Variants in PKIB observed in about 807,000 individuals in gnomAD.
PKIB encodes the protein cAMP-dependent protein kinase inhibitor beta.
A neutral mutation model predicts 4.5 loss-of-function variants in PKIB; 2 were observed. The observed-to-expected ratio is 0.44, with a 90% CI of 0.18 to 1.39. The LOEUF (loss-of-function observed/expected upper bound fraction) is 1.39, where lower values mean the gene tolerates loss of function less well. Among genes scored for constraint, PKIB ranks in the 40% most tolerant of loss-of-function variants. PKIB has a pLI of 0.27. For missense variants in PKIB, 94 were observed against 92.6 expected (o/e 1.02, Z -0.06); for synonymous variants, 38 against 36.0 (o/e 1.06, Z -0.20).
intron 3 of PKIB, among the ~76,000 whole-genome samples, chr6:122,699,457 A>G (rs4617028): frequency 0.99 from 150,352 of 152,134 alleles, 74,318 homozygotes; most frequent in South Asian, 1. Flanking sequence ...GGAAATAGGG[A>G]CCTGAACTGT....
chr6:122,581,539 A>G (rs1487593886), intron 2 of PKIB, among the ~76,000 whole-genome samples: 3 of 152,160 alleles, frequency 2.0e-5, no homozygotes, highest in African/African-American at 7.2e-5. Flanking sequence ...GGTTAATTTA[A>G]ATAACTTGCC....
chr6:122,677,601 T>C (rs1272038136), intron 3 of PKIB, among the ~76,000 whole-genome samples: 1 of 152,176 alleles, frequency 6.6e-6, no homozygotes, highest in African/African-American at 2.4e-5. Context: ...TAAATCCATA[T>C]GTCAAGCCCA....
At chr6:122,550,087 G>A (rs1481172876) in intron 2 of PKIB, among the ~76,000 whole-genome samples, 1 of 151,700 alleles carries the variant, frequency 6.6e-6, no homozygotes, top group East Asian at 1.9e-4. Context: ...GCTAATTTCT[G>A]TATTTTTAGT....
intron 2 of PKIB, among the ~76,000 whole-genome samples, chr6:122,538,956 G>T (rs1404289298): frequency 6.6e-6 from 1 of 152,116 alleles, no homozygotes; most frequent in African/African-American, 2.4e-5. Flanking sequence ...GTGAATGGGA[G>T]TTCACTCGTG....
chr6:122,499,440 C>T (rs886620372), intron 2 of PKIB, among the ~76,000 whole-genome samples: 7 of 152,000 alleles, frequency 4.6e-5, no homozygotes, highest in African/African-American at 1.7e-4. Flanking sequence ...GCCACATAAA[C>T]AGAATTAAAA....
intron 4 of PKIB, among the ~76,000 whole-genome samples, chr6:122,719,433 G>A (rs895359151): frequency 6.6e-6 from 1 of 152,082 alleles, no homozygotes; most frequent in Admixed American, 6.6e-5. Flanking sequence ...ACACAAAAGG[G>A]TGAAGGCAAG....
chr6:122,692,428 C>T (rs768775757), intron 3 of PKIB, among the ~76,000 whole-genome samples: 6 of 152,222 alleles, frequency 3.9e-5, no homozygotes, highest in Non-Finnish European at 4.4e-5. Flanking sequence ...CCCACCTTCC[C>T]CTCCTTTCCA....
chr6:122,714,543 T>C (rs1202196051), intron 3 of PKIB, among the ~76,000 whole-genome samples: 1 of 152,156 alleles, frequency 6.6e-6, no homozygotes, highest in African/African-American at 2.4e-5. Context: ...ACTTCCAAAA[T>C]AGCAGTCAGC....
At chr6:122,578,585 T>G (rs1417006955) in intron 2 of PKIB, among the ~76,000 whole-genome samples, 1 of 152,198 alleles carries the variant, frequency 6.6e-6, no homozygotes, top group Non-Finnish European at 1.5e-5. Context: ...AAGCCATCTT[T>G]CCTTCCTTCC....
chr6:122,575,342 G>A (rs535560177), intron 2 of PKIB, among the ~76,000 whole-genome samples: 4 of 152,188 alleles, frequency 2.6e-5, no homozygotes, highest in South Asian at 4.2e-4. Flanking sequence ...AAACAGTATG[G>A]AGATTCCTTA....
At chr6:122,560,026 C>T (rs1280999646) in intron 2 of PKIB, among the ~76,000 whole-genome samples, 2 of 152,088 alleles carry the variant, frequency 1.3e-5, no homozygotes, top group Non-Finnish European at 2.9e-5. Context: ...AATCAGATGC[C>T]CTTTATTTCT....
chr6:122,650,659 G>A (rs1377491320), intron 2 of PKIB, among the ~76,000 whole-genome samples: 1 of 152,118 alleles, frequency 6.6e-6, no homozygotes, highest in African/African-American at 2.4e-5. Context: ...TTCAGTGGCA[G>A]CAATTCCCAC....
At chr6:122,716,226 A>C (rs1045934208) in intron 3 of PKIB, among the ~76,000 whole-genome samples, 2 of 152,172 alleles carry the variant, frequency 1.3e-5, no homozygotes, top group Non-Finnish European at 2.9e-5. Flanking sequence ...TCTTTATCTC[A>C]TTATTGCTTC....
chr6:122,507,038 C>A (rs548517648), intron 2 of PKIB, among the ~76,000 whole-genome samples: 5 of 152,174 alleles, frequency 3.3e-5, no homozygotes, highest in Admixed American at 2.6e-4. Context: ...ATTTTTTCAC[C>A]ATTGTTGAGG....
chr6:122,506,547 TC>T (rs1270324815), intron 2 of PKIB, among the ~76,000 whole-genome samples: 1 of 152,120 alleles, frequency 6.6e-6, no homozygotes, highest in Non-Finnish European at 1.5e-5. Flanking sequence ...AGTAGTGTCA[TC>T]TTTTTGATAG....
At chr6:122,506,648 G>A (rs1006627904) in intron 2 of PKIB, among the ~76,000 whole-genome samples, 5 of 150,592 alleles carry the variant, frequency 3.3e-5, no homozygotes, top group Admixed American at 2.0e-4. Flanking sequence ...AATTAATGAC[G>A]ATTTTATAGG....
intron 2 of PKIB, among the ~76,000 whole-genome samples, chr6:122,576,689 A>AAAATTAT (rs1345822382): frequency 2.9e-5 from 1 of 34,314 alleles, no homozygotes; most frequent in African/African-American, 1.3e-4. Flanking sequence ...AAAAAAAAAA[A>AAAATTAT]ATATATATAT....
At chr6:122,556,574 C>G (rs1582696475) in intron 2 of PKIB, among the ~76,000 whole-genome samples, 1 of 152,156 alleles carries the variant, frequency 6.6e-6, no homozygotes, top group South Asian at 2.1e-4. Flanking sequence ...ACAAGCTGCT[C>G]TACAACTTGG....
chr6:122,619,513 T>C (rs1263391951), intron 1 of PKIB, among the ~76,000 whole-genome samples: 1 of 152,052 alleles, frequency 6.6e-6, no homozygotes, highest in African/African-American at 2.4e-5. Flanking sequence ...GCACCTGCCT[T>C]GGAACTTACC....
Sources: allele counts gnomAD v4.1 joint callset (sites outside exome capture counted in the v4.1 genomes callset), GRCh38; gene constraint gnomAD v4.1.1; transcripts MANE v1.5; gene names NCBI Gene and HGNC (gene_info 2026-07-23, HGNC 2026-07-21).